The following PRKAR2B variants were observed in gnomAD, a reference collection of about 807,000 sequenced individuals.
PRKAR2B encodes the protein cAMP-dependent protein kinase type II-beta regulatory subunit.
In PRKAR2B, 14 loss-of-function variants were observed where a neutral mutation model predicts 49.9. The ratio of observed to expected loss-of-function variants is 0.28; its 90% CI spans 0.19 to 0.44. The LOEUF (loss-of-function observed/expected upper bound fraction) is 0.44. Ranked by LOEUF, PRKAR2B falls within the 20% of genes least tolerant of loss-of-function variation. The pLI, the probability that PRKAR2B is intolerant of heterozygous loss-of-function variation, is 1.00. For missense variants in PRKAR2B, 393 were observed against 537.9 expected, an observed-to-expected ratio of 0.73 and a Z score of 2.67; for synonymous variants, 196 against 197.7, an observed-to-expected ratio of 0.99 and a Z score of 0.07.
chr7:107,137,685 T>C (rs1795722754), intron 4 of PRKAR2B, among the ~76,000 whole-genome samples: 1 of 152,222 alleles, frequency 6.6e-6, no homozygotes, highest in Non-Finnish European at 1.5e-5. Flanking sequence ...AGAATGCCTC[T>C]TTTCCCACAC....
At chr7:107,144,225 ACAGG>A (rs1225198559) in intron 5 of PRKAR2B, among the ~76,000 whole-genome samples, 1 of 151,840 alleles carries the variant, frequency 6.6e-6, no homozygotes, top group Non-Finnish European at 1.5e-5. Flanking sequence ...AGCTGGGATT[ACAGG>A]TGACTGCCAC....
intron 2 of PRKAR2B, chr7:107,079,507 G>A (rs531502708): frequency 4.7e-4 from 71 of 152,142 alleles, no homozygotes; most frequent in African/African-American, 1.7e-3. Flanking sequence ...CAGCCTGCAT[G>A]AATGAATGGT....
At chr7:107,059,900 G>A (rs987715435) in intron 1 of PRKAR2B, among the ~76,000 whole-genome samples, 5 of 151,954 alleles carry the variant, frequency 3.3e-5, no homozygotes, top group African/African-American at 4.8e-5. Context: ...GATAGCTTAC[G>A]GTGGAGTTTT....
chr7:107,095,423 A>T lies in PRKAR2B; in HGVS notation c.343+25107A>T, dbSNP rs190927025. Among the ~76,000 whole-genome samples the T allele has an allele frequency of 1.6e-4, 25 of 152,322 alleles. No individual in the cohort carries two copies. The East Asian group carries it at 3.1e-3, about 19-fold the overall frequency. On this transcript the variant is annotated intron_variant, in intron 2 of 10. Coordinates refer to ENST00000265717, the MANE Select transcript of PRKAR2B (RefSeq NM_002736.3). Reference sequence around the variant, plus strand: ...TTGGGCTGAGACGATGTGGTTTTCTAAATATAAAATCATGTCATCTGCAAA... The same window carrying T: ...TTGGGCTGAGACGATGTGGTTTTCTTAATATAAAATCATGTCATCTGCAAA...
At chr7:107,113,537 C>G (rs1795211568) in intron 2 of PRKAR2B, among the ~76,000 whole-genome samples, 1 of 152,190 alleles carries the variant, frequency 6.6e-6, no homozygotes, top group African/African-American at 2.4e-5. Context: ...TCCACTTACT[C>G]TCTGCTGCTT....
intron 2 of PRKAR2B, among the ~76,000 whole-genome samples, chr7:107,082,628 C>T (rs1382498370): frequency 6.6e-6 from 1 of 152,078 alleles, no homozygotes; most frequent in Non-Finnish European, 1.5e-5. Flanking sequence ...TGGAGTCTCG[C>T]TCTGTCGCCC....
intron 2 of PRKAR2B, among the ~76,000 whole-genome samples, chr7:107,116,376 C>T (rs1417930199): frequency 2.0e-5 from 3 of 152,218 alleles, no homozygotes; most frequent in South Asian, 2.1e-4. Flanking sequence ...TTGTAGATAT[C>T]GTCATTGTGG....
At chr7:107,137,638 T>A (rs1795721787) in intron 4 of PRKAR2B, among the ~76,000 whole-genome samples, 1 of 152,138 alleles carries the variant, frequency 6.6e-6, no homozygotes. Context: ...TTTTTTAGAG[T>A]TTGTTCCATT....
At chr7:107,134,306 G>A (rs776841198) in intron 4 of PRKAR2B, among the ~76,000 whole-genome samples, 4 of 152,114 alleles carry the variant, frequency 2.6e-5, no homozygotes, top group Admixed American at 1.3e-4. Context: ...TGGGATTATA[G>A]GTGTGAGCTA....
chr7:107,099,750 T>TGCC (rs1794921923), intron 2 of PRKAR2B, among the ~76,000 whole-genome samples: 6 of 152,006 alleles, frequency 3.9e-5, no homozygotes, highest in Admixed American at 3.9e-4. Context: ...GCCATTCTCC[T>TGCC]TAGCCTCCTG....
chr7:107,127,677 A>T (rs1428215288), intron 3 of PRKAR2B, among the ~76,000 whole-genome samples: 1 of 152,290 alleles, frequency 6.6e-6, no homozygotes, highest in African/African-American at 2.4e-5. Context: ...GGGCAGGTAC[A>T]TACCACATGT....
At chr7:107,091,050 A>G (rs73190007) in intron 2 of PRKAR2B, among the ~76,000 whole-genome samples, 159 of 152,338 alleles carry the variant, frequency 1.0e-3, no homozygotes, top group Non-Finnish European at 1.6e-3. Context: ...TATTTTCTTC[A>G]GAACATTAAG....
chr7:107,099,496 G>A (rs1393584709), intron 2 of PRKAR2B, among the ~76,000 whole-genome samples: 1 of 151,972 alleles, frequency 6.6e-6, no homozygotes, highest in East Asian at 1.9e-4. Flanking sequence ...CTGCACCGTG[G>A]GCCGCACCCA....
chr7:107,072,772 C>T (rs1365723826), intron 2 of PRKAR2B, among the ~76,000 whole-genome samples: 2 of 151,568 alleles, frequency 1.3e-5, no homozygotes, highest in Admixed American at 6.6e-5. Context: ...AAAATGCAGT[C>T]AATTGTATTT....
At chr7:107,099,784 A>G (rs28873708) in intron 2 of PRKAR2B, among the ~76,000 whole-genome samples, 19,323 of 151,538 alleles carry the variant, frequency 0.13, 1,503 homozygotes, top group African/African-American at 0.21. Flanking sequence ...ACAGGCCCCC[A>G]CCACCATGCC....
intron 2 of PRKAR2B, among the ~76,000 whole-genome samples, chr7:107,090,449 T>A (rs1240895523): frequency 2.0e-5 from 3 of 152,202 alleles, no homozygotes; most frequent in African/African-American, 7.2e-5. Context: ...CATTTGCCCC[T>A]ATGGGGTCTG....
intron 3 of PRKAR2B, among the ~76,000 whole-genome samples, chr7:107,127,314 A>G (rs1350320220): frequency 2.0e-5 from 3 of 151,704 alleles, no homozygotes; most frequent in Non-Finnish European, 4.4e-5. Context: ...AGGAAAACCA[A>G]CTCCGTGTCT....
chr7:107,079,872 A>C (rs558711677), intron 2 of PRKAR2B, among the ~76,000 whole-genome samples: 1 of 152,212 alleles, frequency 6.6e-6, no homozygotes, highest in Non-Finnish European at 1.5e-5. Flanking sequence ...ATGAGAATGC[A>C]AGGAGGATGG....
At chr7:107,127,040 ATAC>A (rs1428956804) in intron 3 of PRKAR2B, among the ~76,000 whole-genome samples, 2 of 152,250 alleles carry the variant, frequency 1.3e-5, no homozygotes, top group African/African-American at 4.8e-5. Context: ...TAGTTTAGCA[ATAC>A]TATAAGTTTC....
Sources: allele counts gnomAD v4.1 joint callset (sites outside exome capture counted in the v4.1 genomes callset), GRCh38; gene constraint gnomAD v4.1.1; transcripts MANE v1.5; gene names NCBI Gene and HGNC (gene_info 2026-07-23, HGNC 2026-07-21).